The following CCSER1 variants were observed in gnomAD, a reference collection of about 807,000 sequenced individuals.
The protein encoded by CCSER1 is serine-rich coiled-coil domain-containing protein 1.
In CCSER1, 41 loss-of-function variants were observed where a neutral mutation model predicts 82.0. The observed-to-expected ratio is 0.50, with a 90% CI of 0.39 to 0.65. CCSER1 has a LOEUF of 0.65. CCSER1 is among the 30% of genes least tolerant of loss of function. The pLI, the probability that CCSER1 is intolerant of heterozygous loss-of-function variation, is 0.00. For missense variants in CCSER1, 1,119 were observed against 1,064.2 expected, an observed-to-expected ratio of 1.05 and a Z score of -0.72; for synonymous variants, 414 against 383.9, an observed-to-expected ratio of 1.08 and a Z score of -0.92.
intron 10 of CCSER1, among the ~76,000 whole-genome samples, chr4:91,222,075 G>A (rs898811154): frequency 4.0e-5 from 6 of 151,712 alleles, no homozygotes; most frequent in Admixed American, 1.3e-4. Flanking sequence ...TTAATTCTGT[G>A]TTATCTCCAT....
intron 1 of CCSER1, among the ~76,000 whole-genome samples, chr4:90,251,965 C>G (rs902692028): frequency 1.3e-5 from 2 of 151,666 alleles, no homozygotes; most frequent in Non-Finnish European, 3.0e-5. Context: ...GTGCTGTAAT[C>G]TTTATTATTT....
chr4:91,143,023 T>A (rs1442460309), intron 10 of CCSER1, among the ~76,000 whole-genome samples: 7 of 152,156 alleles, frequency 4.6e-5, no homozygotes, highest in Non-Finnish European at 1.0e-4. Context: ...AAAAATGATG[T>A]CGCTAATTTT....
intron 1 of CCSER1, among the ~76,000 whole-genome samples, chr4:90,266,422 A>AT (rs397968126): frequency 0.025 from 3,723 of 148,238 alleles, 99 homozygotes; most frequent in African/African-American, 0.068. Context: ...AAAATTGGGA[A>AT]TTTTTTTTTT....
At chr4:90,303,601 T>G (rs1331452455) in intron 1 of CCSER1, among the ~76,000 whole-genome samples, 1 of 151,718 alleles carries the variant, frequency 6.6e-6, no homozygotes, top group African/African-American at 2.4e-5. Flanking sequence ...TAGCCACATG[T>G]AGAAAGCTGA....
intron 6 of CCSER1, among the ~76,000 whole-genome samples, chr4:90,719,798 A>T (rs1156656010): frequency 6.6e-6 from 1 of 152,138 alleles, no homozygotes; most frequent in African/African-American, 2.4e-5. Context: ...GGGTTTCTCC[A>T]CTGTAAAGTT....
intron 1 of CCSER1, among the ~76,000 whole-genome samples, chr4:90,136,709 G>C (rs1258693484): frequency 6.6e-6 from 1 of 152,134 alleles, no homozygotes; most frequent in African/African-American, 2.4e-5. Flanking sequence ...GTTTAGTTTT[G>C]TTTATTTTAT....
chr4:90,479,608 T>C (rs1361652929), intron 5 of CCSER1, among the ~76,000 whole-genome samples: 3 of 151,700 alleles, frequency 2.0e-5, no homozygotes, highest in Non-Finnish European at 4.4e-5. Flanking sequence ...TTCCCACCTA[T>C]AAGTGAGAAT....
At chr4:90,243,062 C>CTT (rs745465024) in intron 1 of CCSER1, among the ~76,000 whole-genome samples, 294 of 126,974 alleles carry the variant, frequency 2.3e-3, no homozygotes, top group East Asian at 0.01. Flanking sequence ...CTCTCTCTCT[C>CTT]TTTTTTTTTT....
chr4:91,209,974 A>G (rs956927161), intron 10 of CCSER1, among the ~76,000 whole-genome samples: 15 of 151,744 alleles, frequency 9.9e-5, no homozygotes, highest in African/African-American at 3.6e-4. Context: ...TCTAAATTCT[A>G]TTCTCTACTA....
intron 5 of CCSER1, among the ~76,000 whole-genome samples, chr4:90,565,516 C>CTTA (rs1779259784): frequency 6.6e-6 from 1 of 152,146 alleles, no homozygotes; most frequent in Non-Finnish European, 1.5e-5. Context: ...CCTTCTCTTG[C>CTTA]TTACTTGATC....
chr4:91,155,947 T>G (rs1017910750), intron 10 of CCSER1, among the ~76,000 whole-genome samples: 4 of 151,986 alleles, frequency 2.6e-5, no homozygotes, highest in Admixed American at 1.3e-4. Context: ...ATACTAAGTA[T>G]TTTAATATAA....
chr4:90,135,833 C>A (rs1222315684), intron 1 of CCSER1, among the ~76,000 whole-genome samples: 1 of 152,166 alleles, frequency 6.6e-6, no homozygotes. Flanking sequence ...TAATCATGCA[C>A]CTCTTATTGG....
intron 10 of CCSER1, among the ~76,000 whole-genome samples, chr4:91,497,229 A>T (rs1487015959): frequency 1.3e-5 from 2 of 151,614 alleles, no homozygotes; most frequent in African/African-American, 4.8e-5. Context: ...TAGTTACCTC[A>T]TGAAGCGGTT....
intron 10 of CCSER1, among the ~76,000 whole-genome samples, chr4:91,311,178 A>G (rs1204045522): frequency 2.6e-5 from 4 of 151,950 alleles, no homozygotes; most frequent in Non-Finnish European, 5.9e-5. Context: ...GCATGTGGCA[A>G]TATGTATCCC....
chr4:90,398,646 A>T (rs1752375079), intron 3 of CCSER1, among the ~76,000 whole-genome samples: 1 of 152,122 alleles, frequency 6.6e-6, no homozygotes, highest in Non-Finnish European at 1.5e-5. Context: ...TCTCATTTTT[A>T]AATGTATATA....
At chr4:90,828,451 G>T (rs550181901) in intron 8 of CCSER1, among the ~76,000 whole-genome samples, 1 of 152,248 alleles carries the variant, frequency 6.6e-6, no homozygotes, top group East Asian at 1.9e-4. Context: ...CAAACAGCAT[G>T]ATTTCATCAT....
chr4:91,447,667 A>T (rs1755643735), intron 10 of CCSER1, among the ~76,000 whole-genome samples: 1 of 152,138 alleles, frequency 6.6e-6, no homozygotes, highest in Admixed American at 6.6e-5. Context: ...ACTATGATTG[A>T]TGGTCTAATA....
chr4:91,318,133 G>T (rs377584374), intron 10 of CCSER1, among the ~76,000 whole-genome samples: 1 of 151,864 alleles, frequency 6.6e-6, no homozygotes, highest in East Asian at 1.9e-4. Flanking sequence ...GGGATTTATG[G>T]AGTACTCTGT....
chr4:90,535,205 A>C (rs753199664), intron 5 of CCSER1, among the ~76,000 whole-genome samples: 6 of 152,152 alleles, frequency 3.9e-5, no homozygotes, highest in Non-Finnish European at 7.3e-5. Context: ...TATTTGTGTG[A>C]ATTTTTTATT....
Sources: gnomAD v4.1 joint callset for allele counts (sites outside exome capture counted in the v4.1 genomes callset) on GRCh38, gnomAD v4.1.1 for gene constraint, MANE v1.5 for transcripts, NCBI Gene and HGNC (gene_info 2026-07-23, HGNC 2026-07-21) for gene names.